Variants in DPH6 observed in about 807,000 individuals in gnomAD.
The protein encoded by DPH6 is diphthamine biosynthesis 6, also known as diphthine--ammonia ligase.
DPH6 carries 33 observed loss-of-function variants against 38.2 expected under a neutral mutation model. That is an observed-to-expected ratio of 0.86 (90% CI 0.65 to 1.15). The LOEUF is 1.15. Among genes scored for constraint, DPH6 ranks in the 50% most tolerant of loss-of-function variants. DPH6 has a pLI of 0.00. For missense variants in DPH6, 325 were observed against 320.0 expected (o/e 1.02, Z -0.12); for synonymous variants, 108 against 103.0 (o/e 1.05, Z -0.30).
intron 5 of DPH6, among the ~76,000 whole-genome samples, chr15:35,418,723 T>C (rs1382071475): frequency 1.3e-5 from 2 of 152,128 alleles, no homozygotes; most frequent in Non-Finnish European, 2.9e-5. Context: ...AATGTTATGC[T>C]CCATTATTTT....
At chr15:35,296,437 C>T (rs1307164629) in intron 3 of DPH6, among the ~76,000 whole-genome samples, 1 of 152,162 alleles carries the variant, frequency 6.6e-6, no homozygotes, top group Non-Finnish European at 1.5e-5. Flanking sequence ...GACCCTACCA[C>T]TTTTTACTAT....
intron 5 of DPH6, among the ~76,000 whole-genome samples, chr15:35,450,156 A>T (rs1192345341): frequency 6.6e-6 from 1 of 152,128 alleles, no homozygotes; most frequent in Non-Finnish European, 1.5e-5. Context: ...TAATCAGATA[A>T]CTTTTTCTCA....
rs1399490270 is a variant in DPH6, at chr15:35,487,252, A to T, written c.313-32432T>A. Among the ~76,000 whole-genome samples, 4 of 152,224 alleles carry T rather than the reference A, an allele frequency of 2.6e-5. No homozygotes were observed. The East Asian group carries it at 7.7e-4, about 29-fold the overall frequency. ...CCCTCTTCTCACAGCTCCACTAGGC[A>T]GTGCCCCAGTGGGAACTCTGGGTGG... On this transcript the variant is annotated intron_variant, in intron 3 of 8. Coordinates refer to ENST00000256538, the MANE Select transcript of DPH6 (RefSeq NM_080650.4).
chr15:35,283,300 C>G (rs1423575496), intron 3 of DPH6, among the ~76,000 whole-genome samples: 1 of 150,436 alleles, frequency 6.6e-6, no homozygotes, highest in Non-Finnish European at 1.5e-5. Flanking sequence ...CCTCCTCCTC[C>G]TCCTCTTATT....
At chr15:35,149,610 T>A in the DPH6 span, among the ~76,000 whole-genome samples, 4 of 152,216 alleles carry the variant, frequency 2.6e-5, no homozygotes, top group Non-Finnish European at 4.4e-5. Flanking sequence ...CTGACTGCCA[T>A]GCACTCCTCA....
chr15:35,289,340 T>C (rs1185521457), intron 3 of DPH6, among the ~76,000 whole-genome samples: 2 of 152,214 alleles, frequency 1.3e-5, no homozygotes, highest in Non-Finnish European at 2.9e-5. Flanking sequence ...AATTTACTTA[T>C]AACATTAAAA....
chr15:35,420,189 G>A (rs1408843419), intron 5 of DPH6, among the ~76,000 whole-genome samples: 3 of 152,062 alleles, frequency 2.0e-5, no homozygotes, highest in Admixed American at 6.6e-5. Flanking sequence ...AGGAGCATAT[G>A]ACCCTATCTT....
intron 3 of DPH6, among the ~76,000 whole-genome samples, chr15:35,308,319 A>G (rs2052110678): frequency 1.3e-5 from 2 of 152,230 alleles, no homozygotes; most frequent in Admixed American, 1.3e-4. Flanking sequence ...GGTGATGGAT[A>G]TGTTAATTGG....
chr15:35,314,186 T>A (rs1210588377), intron 3 of DPH6, among the ~76,000 whole-genome samples: 1 of 151,886 alleles, frequency 6.6e-6, no homozygotes, highest in Non-Finnish European at 1.5e-5. Context: ...TCAACAAATA[T>A]GAAAAAATAC....
At chr15:35,492,765 C>G (rs958856693) in intron 3 of DPH6, among the ~76,000 whole-genome samples, 1 of 151,962 alleles carries the variant, frequency 6.6e-6, no homozygotes, top group Non-Finnish European at 1.5e-5. Flanking sequence ...ATCTTGAGTA[C>G]AGAGAGATTA....
chr15:35,222,500 G>A (rs899089620), intron 3 of DPH6, among the ~76,000 whole-genome samples: 2 of 152,274 alleles, frequency 1.3e-5, no homozygotes, highest in Admixed American at 6.5e-5. Flanking sequence ...CATGTAAAAT[G>A]TACAGTGGTT....
chr15:35,156,434 A>G, the DPH6 span, among the ~76,000 whole-genome samples: 1 of 152,196 alleles, frequency 6.6e-6, no homozygotes, highest in Non-Finnish European at 1.5e-5. Flanking sequence ...GTTTAAGGTG[A>G]AAATGCCACT....
intron 3 of DPH6, among the ~76,000 whole-genome samples, chr15:35,316,951 T>G (rs2052194997): frequency 6.6e-6 from 1 of 152,148 alleles, no homozygotes; most frequent in Admixed American, 6.6e-5. Context: ...TTCTAGAATT[T>G]TATACCCAGC....
chr15:35,525,616 T>C (rs2054988154), intron 3 of DPH6, among the ~76,000 whole-genome samples: 1 of 152,100 alleles, frequency 6.6e-6, no homozygotes, highest in Non-Finnish European at 1.5e-5. Context: ...GAAAAGAACA[T>C]AGTAAGACTA....
chr15:35,209,553 A>G, the DPH6 span, among the ~76,000 whole-genome samples: 4 of 152,214 alleles, frequency 2.6e-5, no homozygotes, highest in Non-Finnish European at 4.4e-5. Flanking sequence ...GAATCTTAGC[A>G]CAAGTGAATA....
At chr15:35,482,233 AGCTGGGT>A (rs1185619271) in intron 3 of DPH6, among the ~76,000 whole-genome samples, 4 of 152,244 alleles carry the variant, frequency 2.6e-5, no homozygotes, top group Non-Finnish European at 4.4e-5. Flanking sequence ...CTGCAGTACT[AGCTGGGT>A]GAAGCGATAT....
At chr15:35,344,718 T>C (rs964424333) in intron 3 of DPH6, among the ~76,000 whole-genome samples, 2 of 151,948 alleles carry the variant, frequency 1.3e-5, no homozygotes, top group Non-Finnish European at 2.9e-5. Flanking sequence ...CCATACTCTG[T>C]CTAACTGAAT....
intron 3 of DPH6, among the ~76,000 whole-genome samples, chr15:35,455,441 C>T (rs929906398): frequency 2.0e-5 from 3 of 152,126 alleles, no homozygotes; most frequent in African/African-American, 7.2e-5. Flanking sequence ...GGAATGACAA[C>T]TATCCTGTCT....
chr15:35,230,696 G>A (rs2051511095), intron 3 of DPH6, among the ~76,000 whole-genome samples: 1 of 152,110 alleles, frequency 6.6e-6, no homozygotes, highest in Non-Finnish European at 1.5e-5. Flanking sequence ...GGTTATTCAG[G>A]GCTCAAGGGA....
Sources: allele counts gnomAD v4.1 joint callset (sites outside exome capture counted in the v4.1 genomes callset), GRCh38; gene constraint gnomAD v4.1.1; transcripts MANE v1.5; gene names NCBI Gene and HGNC (gene_info 2026-07-23, HGNC 2026-07-21).